The following ATP11B variants were observed in gnomAD, a reference collection of about 807,000 sequenced individuals.
The protein encoded by ATP11B is ATPase phospholipid transporting 11B (putative).
ATP11B carries 81 observed loss-of-function variants against 157.8 expected under a neutral mutation model. The observed-to-expected ratio is 0.51, with a 90% CI of 0.43 to 0.62. The LOEUF (loss-of-function observed/expected upper bound fraction) is 0.62, where lower values mean the gene tolerates loss of function less well. Ranked by LOEUF, ATP11B falls within the 20% of genes least tolerant of loss-of-function variation. The probability of loss-of-function intolerance (pLI) is 0.00; values close to 1 mark genes in which losing one functional copy is unlikely to be tolerated. For missense variants in ATP11B, 1,165 were observed against 1,402.2 expected (o/e 0.83, Z 2.70); for synonymous variants, 451 against 469.4 (o/e 0.96, Z 0.51).
At chr3:182,860,226 G>A (rs983028267) in intron 12 of ATP11B, among the ~76,000 whole-genome samples, 1 of 152,136 alleles carries the variant, frequency 6.6e-6, no homozygotes, top group African/African-American at 2.4e-5. Flanking sequence ...AACTTGGCAT[G>A]TCTGAAAATA....
chr3:182,839,755 T>C (rs1362676350), intron 7 of ATP11B, among the ~76,000 whole-genome samples: 1 of 152,074 alleles, frequency 6.6e-6, no homozygotes, highest in Non-Finnish European at 1.5e-5. Flanking sequence ...GGATTATATG[T>C]GTGTGCCACC....
intron 8 of ATP11B, chr3:182,843,943 G>A (rs1419467242): frequency 1.3e-5 from 2 of 152,150 alleles, no homozygotes; most frequent in Non-Finnish European, 2.9e-5. Flanking sequence ...GTATGTGTAC[G>A]ATCCCTGCTG....
At chr3:182,796,321 A>G (rs543056241) in intron 1 of ATP11B, among the ~76,000 whole-genome samples, 2 of 152,218 alleles carry the variant, frequency 1.3e-5, no homozygotes, top group African/African-American at 2.4e-5. Flanking sequence ...TTTCAGTACC[A>G]TATTTTATGT....
chr3:182,857,114 A>G (rs573125203), intron 10 of ATP11B, among the ~76,000 whole-genome samples: 1 of 152,294 alleles, frequency 6.6e-6, no homozygotes, highest in South Asian at 2.1e-4. Flanking sequence ...GTTAAAAAGT[A>G]TATAATAATT....
chr3:182,910,172 C>G (rs1402697432), intron 28 of ATP11B, among the ~76,000 whole-genome samples: 1 of 150,516 alleles, frequency 6.6e-6, no homozygotes, highest in Non-Finnish European at 1.5e-5. Flanking sequence ...TATATATACA[C>G]TTAGTTCAAA....
In ATP11B at chr3:182,884,807, C is replaced by T. The variant is rs764523258; in HGVS notation, c.2564C>T (p.Ala855Val). Residue 855 changes from alanine to valine, a missense_variant, in exon 22 of 30, where the codon GCC becomes GTC. Transcript: ENST00000323116. ...GCAAGAAACAGTGACTATGCAATAG[C>T]CAGATTTAAGTTCCTCTCCAAATTG... ...QAARNSDYAI[A>V]RFKFLSKLLF... 1 of 1,602,210 alleles carries T rather than the reference C, an allele frequency of 6.2e-7. No homozygotes were observed. The highest frequency in any genetic ancestry group is 8.5e-7 in the Non-Finnish European group (1 of 1,175,622).
chr3:182,888,203 T>C (rs1429560715), intron 24 of ATP11B, among the ~76,000 whole-genome samples: 1 of 152,198 alleles, frequency 6.6e-6, no homozygotes, highest in Non-Finnish European at 1.5e-5. Flanking sequence ...GGACCAGCTA[T>C]GGTATTCACC....
At position 182,904,853 on chromosome 3, in the gene ATP11B, C is replaced by T. The variant is rs141959289; in HGVS notation, c.3318+6081C>T. 9.8e-3 allele frequency among the ~76,000 whole-genome samples: 1,412 copies of T among 143,594 alleles called. 24 individuals carry two copies. The highest frequency in any genetic ancestry group is 0.035 in the African/African-American group (1,340 of 38,728). 94.2% of individuals were successfully genotyped at this position (143,594 alleles called of 152,430 possible). On this transcript the variant is annotated intron_variant, in intron 28 of 29. Transcript: ENST00000323116. ...GCAGTGAGCCAAGATCATGCCACTT[C>T]ACTCCAGCCTGGACAGCAGAGTGGG...
chr3:182,820,894 T>C (rs1010534305), intron 2 of ATP11B, among the ~76,000 whole-genome samples: 29 of 152,194 alleles, frequency 1.9e-4, no homozygotes, highest in African/African-American at 6.8e-4. Context: ...ACTAAGGAAC[T>C]AATATTTATG....
At chr3:182,902,483 G>T (rs1435610207) in intron 28 of ATP11B, 1 of 1,288,508 alleles carries the variant, frequency 7.8e-7, no homozygotes, top group Admixed American at 2.3e-5. Flanking sequence ...ACTTATAGAT[G>T]TACTCCAACA....
At chr3:182,812,680 TC>T (rs1179503425) in intron 1 of ATP11B, among the ~76,000 whole-genome samples, 1 of 152,140 alleles carries the variant, frequency 6.6e-6, no homozygotes, top group Admixed American at 6.5e-5. Context: ...CACAGTGAAG[TC>T]CCAAATGGAT....
intron 12 of ATP11B, among the ~76,000 whole-genome samples, chr3:182,863,832 A>C (rs1194894616): frequency 6.6e-6 from 1 of 151,812 alleles, no homozygotes; most frequent in African/African-American, 2.4e-5. Flanking sequence ...TCTGAGTATT[A>C]TTTCTGTTTG....
At chr3:182,883,438 A>G (rs892789277) in intron 21 of ATP11B, among the ~76,000 whole-genome samples, 15 of 151,560 alleles carry the variant, frequency 9.9e-5, no homozygotes, top group Middle Eastern at 3.4e-3. Context: ...TTGTATTTTT[A>G]GTAGAGATGG....
intron 10 of ATP11B, among the ~76,000 whole-genome samples, chr3:182,851,365 T>C (rs1206209409): frequency 6.6e-6 from 1 of 152,252 alleles, no homozygotes; most frequent in African/African-American, 2.4e-5. Flanking sequence ...GTATTTTTTT[T>C]CTCTTTTCCA....
rs561361774 is a variant in ATP11B at position 182,881,520 on chromosome 3, C to T, written c.2509+539C>T. ...TCGCGCCACTGCACTCCAGCCTGGG[C>T]GACAGCAAGACTCTGTCTCAAAAAA... On this transcript the variant is annotated intron_variant, in intron 21 of 29. Coordinates refer to ENST00000323116, the MANE Select transcript of ATP11B (RefSeq NM_014616.3). Among the ~76,000 whole-genome samples, 11 of 150,474 alleles carry T rather than the reference C, an allele frequency of 7.3e-5. No individual in the cohort carries two copies. In the South Asian group the frequency reaches 1.7e-3, roughly 23 times the overall value.
chr3:182,915,154 A>G, intron 29 of ATP11B: 1 of 985,398 alleles, frequency 1.0e-6, no homozygotes, highest in African/African-American at 1.7e-5. Flanking sequence ...AAATTCAGGT[A>G]ACTTTTACTG....
chr3:182,800,998 C>T (rs112118303), intron 1 of ATP11B, among the ~76,000 whole-genome samples: 23,090 of 150,478 alleles, frequency 0.15, 2,335 homozygotes, highest in African/African-American at 0.29. Flanking sequence ...GACAGGGTTT[C>T]GCCATGTTGG....
At chr3:182,901,989 A>G (rs1007145390) in intron 28 of ATP11B, among the ~76,000 whole-genome samples, 6 of 152,010 alleles carry the variant, frequency 3.9e-5, no homozygotes, top group African/African-American at 1.5e-4. Context: ...GGAAGTCTCT[A>G]CTTCTACTCA....
At position 182,863,300 on chromosome 3, in the gene ATP11B, G is replaced by A. The variant is rs143189666; in HGVS notation, c.1201-2156G>A. ...CTTTAATTACATATTATATATGTAA[G>A]GCCTAAAGGCCCATTTTTACTTTTC... On this transcript the variant is annotated intron_variant, in intron 12 of 29. Coordinates refer to ENST00000323116, the MANE Select transcript of ATP11B (RefSeq NM_014616.3). Among the ~76,000 whole-genome samples the A allele has an allele frequency of 2.8e-4, 43 of 152,068 alleles. 1 individual carries two copies. In the East Asian group the frequency reaches 8.1e-3, roughly 29 times the overall value.
Sources: allele counts gnomAD v4.1 joint callset (sites outside exome capture counted in the v4.1 genomes callset), GRCh38; gene constraint gnomAD v4.1.1; transcripts MANE v1.5; gene names NCBI Gene and HGNC (gene_info 2026-07-23, HGNC 2026-07-21).